FRMD4A: variants seen among roughly 807,000 people sequenced by gnomAD.
The protein encoded by FRMD4A is FERM domain-containing protein 4A.
A neutral mutation model predicts 129.1 loss-of-function variants in FRMD4A; 29 were observed. That is an observed-to-expected ratio of 0.22 (90% CI 0.17 to 0.31). The LOEUF (loss-of-function observed/expected upper bound fraction) is 0.31. Ranked by LOEUF, FRMD4A falls within the 10% of genes least tolerant of loss-of-function variation. The pLI, the probability that FRMD4A is intolerant of heterozygous loss-of-function variation, is 1.00. For missense variants in FRMD4A, 1,272 were observed against 1,375.8 expected, an observed-to-expected ratio of 0.92 and a Z score of 1.19; for synonymous variants, 634 against 571.6, an observed-to-expected ratio of 1.11 and a Z score of -1.56.
chr10:13,666,072 T>G, intron 18 of FRMD4A, 25 bp downstream of exon 18: 1 of 1,445,364 alleles, frequency 6.9e-7, no homozygotes. Context: ...GGGAGTGGGG[T>G]GGGGGCAGCC....
At chr10:14,195,035 T>C (rs1842433224) in intron 2 of FRMD4A, among the ~76,000 whole-genome samples, 1 of 152,216 alleles carries the variant, frequency 6.6e-6, no homozygotes, top group Non-Finnish European at 1.5e-5. Flanking sequence ...TACATTTTTC[T>C]TTCATTCCTT....
At chr10:13,708,498 C>T (rs1230425452) in intron 12 of FRMD4A, among the ~76,000 whole-genome samples, 2 of 152,240 alleles carry the variant, frequency 1.3e-5, no homozygotes, top group East Asian at 3.8e-4. Context: ...TATCTATTAT[C>T]TCTTATTACA....
chr10:14,316,524 A>AAAAAAAAAAAAAAG (rs556192567), intron 2 of FRMD4A, among the ~76,000 whole-genome samples: 12 of 132,602 alleles, frequency 9.0e-5, no homozygotes, highest in East Asian at 2.2e-4. Context: ...AAAAAAAAAA[A>AAAAAAAAAAAAAAG]AAGAAGAAGA....
At chr10:14,163,858 C>G (rs566425216) in intron 2 of FRMD4A, among the ~76,000 whole-genome samples, 1 of 152,244 alleles carries the variant, frequency 6.6e-6, no homozygotes, top group Non-Finnish European at 1.5e-5. Flanking sequence ...TCCTGCTACA[C>G]TCATATTCCA....
intron 5 of FRMD4A, among the ~76,000 whole-genome samples, chr10:13,796,270 C>G (rs1366482912): frequency 6.6e-6 from 1 of 152,198 alleles, no homozygotes; most frequent in Non-Finnish European, 1.5e-5. Context: ...CACAAGCATC[C>G]TAGTGCAAAT....
At chr10:13,916,860 A>C (rs899483571) in intron 2 of FRMD4A, among the ~76,000 whole-genome samples, 1 of 152,186 alleles carries the variant, frequency 6.6e-6, no homozygotes, top group Non-Finnish European at 1.5e-5. Context: ...ATTTCCCCCC[A>C]AAAAAGAAAG....
At chr10:14,096,123 A>G (rs760039314) in intron 2 of FRMD4A, among the ~76,000 whole-genome samples, 1 of 152,228 alleles carries the variant, frequency 6.6e-6, no homozygotes, top group Admixed American at 6.5e-5. Flanking sequence ...CGTGGGTATT[A>G]AGAAGTGAGA....
At chr10:14,125,113 G>A (rs1838760061) in intron 2 of FRMD4A, among the ~76,000 whole-genome samples, 3 of 152,170 alleles carry the variant, frequency 2.0e-5, no homozygotes, top group Non-Finnish European at 4.4e-5. Context: ...TGCAGCAGAA[G>A]TAATCAAGTC....
At chr10:13,734,671 C>G (rs1266088645) in intron 12 of FRMD4A, among the ~76,000 whole-genome samples, 1 of 152,080 alleles carries the variant, frequency 6.6e-6, no homozygotes, top group Admixed American at 6.6e-5. Context: ...CAGTTGACGC[C>G]TGCCTTCTTG....
At chr10:14,296,858 G>A (rs911086328) in intron 2 of FRMD4A, among the ~76,000 whole-genome samples, 6 of 152,104 alleles carry the variant, frequency 3.9e-5, no homozygotes, top group African/African-American at 1.4e-4. Flanking sequence ...TTTCCCCCCA[G>A]TTCTCATCCT....
At chr10:13,958,662 G>A (rs1305863086) in intron 2 of FRMD4A, among the ~76,000 whole-genome samples, 1 of 144,898 alleles carries the variant, frequency 6.9e-6, no homozygotes. Flanking sequence ...CTCGGCTCAC[G>A]GCAACCTCCG....
In FRMD4A at chr10:14,095,421, T is replaced by C. The variant is rs533399527; in HGVS notation, c.45+234637A>G. Among the ~76,000 whole-genome samples, 8 of 152,342 alleles carry C rather than the reference T, an allele frequency of 5.3e-5. No homozygotes were observed. In the South Asian group the frequency reaches 1.7e-3, roughly 32 times the overall value. ...ACTTGGCACTGGGCCACTCACTGAT[T>C]TGATGCCATTTTTATTGTAATTTAC... On this transcript the variant is annotated intron_variant, in intron 2 of 24. Transcript: ENST00000357447.
Position 13,909,514 on chromosome 10 carries a change from G to C in FRMD4A, c.46-50602C>G, listed in dbSNP as rs1408750976. On this transcript the variant is annotated intron_variant, in intron 2 of 24. Coordinates refer to ENST00000357447, the MANE Select transcript of FRMD4A (RefSeq NM_018027.5). ...AGTTGAGACCAGCATGGAAACATAA[G>C]ATAACCACAAATGAATTCAAAATAA... is the stretch of plus-strand genomic sequence containing the variant. Among the ~76,000 whole-genome samples, 6 of 152,280 alleles carry C rather than the reference G, an allele frequency of 3.9e-5. No homozygotes were observed. In the South Asian group the frequency reaches 1.2e-3, roughly 32 times the overall value.
At chr10:14,081,110 C>T (rs1243872307) in intron 2 of FRMD4A, among the ~76,000 whole-genome samples, 1 of 152,058 alleles carries the variant, frequency 6.6e-6, no homozygotes, top group Non-Finnish European at 1.5e-5. Flanking sequence ...TAGTCAGAGT[C>T]CTTTCTAGCT....
intron 2 of FRMD4A, among the ~76,000 whole-genome samples, chr10:14,129,403 T>TATAA (rs1564321857): frequency 7.7e-6 from 1 of 129,506 alleles, no homozygotes; most frequent in East Asian, 2.1e-4. Context: ...TATATATATA[T>TATAA]ATATAAAAAA....
intron 2 of FRMD4A, among the ~76,000 whole-genome samples, chr10:13,986,897 AAGGGTTTCGGTC>A (rs756151382): frequency 1.4e-4 from 21 of 151,902 alleles, no homozygotes; most frequent in Non-Finnish European, 2.8e-4. Flanking sequence ...AATGGAACCT[AAGGGTTTCGGTC>A]AGTGGTTCTC....
At chr10:14,213,706 A>G (rs1199683824) in intron 2 of FRMD4A, among the ~76,000 whole-genome samples, 1 of 152,134 alleles carries the variant, frequency 6.6e-6, no homozygotes, top group East Asian at 1.9e-4. Flanking sequence ...GAGTCTCCCC[A>G]CTAGGGGTGG....
At chr10:14,075,864 A>G (rs1353150663) in intron 2 of FRMD4A, among the ~76,000 whole-genome samples, 1 of 152,212 alleles carries the variant, frequency 6.6e-6, no homozygotes, top group Non-Finnish European at 1.5e-5. Context: ...AGCCGGAGAG[A>G]GAAGCTTCCC....
chr10:13,884,210 A>ACACACACACT (rs1554956574), intron 2 of FRMD4A, among the ~76,000 whole-genome samples: 1,027 of 80,586 alleles, frequency 0.013, 14 homozygotes, highest in Middle Eastern at 0.041. Context: ...ACACACACTC[A>ACACACACACT]CACACACACA....
Sources: gnomAD v4.1 joint callset for allele counts (sites outside exome capture counted in the v4.1 genomes callset) on GRCh38, gnomAD v4.1.1 for gene constraint, MANE v1.5 for transcripts, NCBI Gene and HGNC (gene_info 2026-07-23, HGNC 2026-07-21) for gene names.